The following EARS2 variants were observed in gnomAD, a reference collection of about 807,000 sequenced individuals.
The protein encoded by EARS2 is glutamyl-tRNA synthetase 2, mitochondrial.
In EARS2, 50 loss-of-function variants were observed where a neutral mutation model predicts 54.1. The observed-to-expected ratio is 0.92, with a 90% CI of 0.74 to 1.17. EARS2 has a LOEUF of 1.17. Ranked by LOEUF, EARS2 falls within the 50% of genes most tolerant of loss-of-function variation. EARS2 has a pLI of 0.00. For synonymous variants in EARS2, 298 were observed against 281.0 expected (o/e 1.06, Z -0.61); for missense variants, 673 against 675.0 (o/e 1.00, Z 0.03).
intron 7 of EARS2, among the ~76,000 whole-genome samples, chr16:23,525,997 C>CAAAAT (rs1965220526): frequency 2.2e-5 from 1 of 45,214 alleles, no homozygotes; most frequent in South Asian, 6.7e-4. Context: ...GACTTTGTTT[C>CAAAAT]AAAATAAAAA....
At chr16:23,551,329 C>T (rs186154399) in intron 2 of EARS2, among the ~76,000 whole-genome samples, 12 of 152,260 alleles carry the variant, frequency 7.9e-5, no homozygotes, top group Admixed American at 7.2e-4. Context: ...ACAGGAATCT[C>T]AAAACAGCCT....
chr16:23,545,361 A>G (rs1353469927), intron 2 of EARS2: 1 of 152,088 alleles, frequency 6.6e-6, no homozygotes, highest in Non-Finnish European at 1.5e-5. Flanking sequence ...GGTTCAGAGA[A>G]CAGCCCATCA....
chr16:23,553,061 G>C, intron 1 of EARS2: 1 of 403,550 alleles, frequency 2.5e-6, no homozygotes, highest in Middle Eastern at 7.5e-4. Context: ...TGGGGACGCT[G>C]AGGCTGCAGC....
Position 23,521,731 on chromosome 16 carries a change from T to C in EARS2, c.*2640A>G, listed in dbSNP as rs1965144395. ...GCATGAAGTCCTAGAGGTTCATCCATGTTGTAGATATACCAGAATCGACTT... is the reference window on the plus strand; with the variant it reads ...GCATGAAGTCCTAGAGGTTCATCCACGTTGTAGATATACCAGAATCGACTT... On this transcript the variant is annotated 3_prime_UTR_variant, in exon 9 of 9. Coordinates refer to ENST00000449606, the MANE Select transcript of EARS2 (RefSeq NM_001083614.2). 4 of 452,708 alleles carry C rather than the reference T, an allele frequency of 8.8e-6. No homozygotes were observed. Among genetic ancestry groups the C allele is most frequent in the South Asian group, 4.7e-5 (3 of 64,480 alleles). The allele number at this position is 452,708 out of a possible 1,614,324, so 28.0% of individuals were successfully genotyped here. A position where few individuals can be genotyped will look rare whatever the true frequency, so the allele number is the denominator to read the frequency against.
chr16:23,549,908 G>C (rs1038153398), intron 2 of EARS2, among the ~76,000 whole-genome samples: 2 of 152,104 alleles, frequency 1.3e-5, no homozygotes, highest in Non-Finnish European at 2.9e-5. Context: ...TCTTCCCCCA[G>C]GTCACCACGG....
chr16:23,541,504 T>C (rs971463263), intron 3 of EARS2, among the ~76,000 whole-genome samples: 1 of 152,326 alleles, frequency 6.6e-6, no homozygotes, highest in Middle Eastern at 3.4e-3. Flanking sequence ...CCACATAGCA[T>C]GTACATAGTA....
At chr16:23,551,051 T>TA (rs1239507070) in intron 2 of EARS2, among the ~76,000 whole-genome samples, 1 of 152,084 alleles carries the variant, frequency 6.6e-6, no homozygotes, top group East Asian at 1.9e-4. Context: ...ACAACATGGT[T>TA]AAAAAAAATC....
rs149493890 is a variant in EARS2, at chr16:23,525,473, C to T, written c.1353-94G>A. On this transcript the variant is annotated intron_variant, in intron 7 of 8. Coordinates refer to ENST00000449606, the MANE Select transcript of EARS2 (RefSeq NM_001083614.2). Reference sequence around the variant, plus strand: ...AGAAGGTTATTGATCAGCTACAGTACGAGCAGCACAACCAATGTTCAAGCC... The same window carrying T: ...AGAAGGTTATTGATCAGCTACAGTATGAGCAGCACAACCAATGTTCAAGCC... 557 of 1,347,906 alleles carry T rather than the reference C, an allele frequency of 4.1e-4. 3 individuals carry two copies. The African/African-American group carries it at 7.0e-3, about 17-fold the overall frequency. The allele number at this position is 1,347,906 out of a possible 1,614,324, so 83.5% of individuals were successfully genotyped here. A position where few individuals can be genotyped will look rare whatever the true frequency, so the allele number is the denominator to read the frequency against.
chr16:23,530,289 C>T (rs1434660298), intron 5 of EARS2, among the ~76,000 whole-genome samples: 1 of 152,096 alleles, frequency 6.6e-6, no homozygotes. Context: ...CCATGCCCAG[C>T]TAATTTTTTA....
chr16:23,537,843 G>A (rs1406028556), intron 3 of EARS2, among the ~76,000 whole-genome samples: 1 of 149,142 alleles, frequency 6.7e-6, no homozygotes, highest in East Asian at 1.9e-4. Flanking sequence ...CCAGGCTGGA[G>A]TACAGTAGAG....
chr16:23,552,060 C>A, intron 2 of EARS2, 89 bp downstream of exon 2: 1 of 1,495,774 alleles, frequency 6.7e-7, no homozygotes, highest in Admixed American at 1.9e-5. Flanking sequence ...CCCCATTTTC[C>A]ACTCAGAACT....
intron 4 of EARS2, among the ~76,000 whole-genome samples, chr16:23,533,153 G>A (rs1247148509): frequency 6.6e-6 from 1 of 152,080 alleles, no homozygotes; most frequent in Non-Finnish European, 1.5e-5. Flanking sequence ...GTGTGGTGGC[G>A]CATGCCTGTA....
intron 2 of EARS2, among the ~76,000 whole-genome samples, chr16:23,546,820 G>T (rs1965610841): frequency 6.6e-6 from 1 of 152,236 alleles, no homozygotes; most frequent in African/African-American, 2.4e-5. Context: ...CGGCTTCCCA[G>T]TGTTGGGATT....
chr16:23,524,923 G>A (rs1050361024), intron 8 of EARS2: 2 of 540,772 alleles, frequency 3.7e-6, no homozygotes, highest in Non-Finnish European at 6.5e-6. Context: ...GGGAATACAG[G>A]TGTGAGCCAC....
rs961489176 is a variant in EARS2, at chr16:23,530,042, C to T, written c.1068-145G>A. On this transcript the variant is annotated intron_variant, in intron 5 of 8. Transcript: ENST00000449606. ...TTCGCAAGCTAGAAGAATCTCTTCA[C>T]GTTTATAAAAAGAAAGGGATGTGAC... 51 of 1,005,300 alleles carry T rather than the reference C, an allele frequency of 5.1e-5. No individual in the cohort carries two copies. The African/African-American group carries it at 6.9e-4, about 14-fold the overall frequency. The allele number at this position is 1,005,300 out of a possible 1,614,324, so 62.3% of individuals were successfully genotyped here.
In EARS2 at chr16:23,521,756, TA is replaced by T. The variant is rs1304091405; in HGVS notation, c.*2614del. ...TGTTGTAGATATACCAGAATCGACT[TA>T]GTATTTTGACCACTCACTTTGTTAA... On this transcript the variant is annotated 3_prime_UTR_variant, in exon 9 of 9. Coordinates refer to ENST00000449606, the MANE Select transcript of EARS2 (RefSeq NM_001083614.2). 2.2e-6 allele frequency: 1 copy of T among 449,652 alleles called. No homozygotes were observed. The highest frequency in any genetic ancestry group is 4.4e-6 in the Non-Finnish European group (1 of 225,316). 27.9% of individuals were successfully genotyped at this position (449,652 alleles called of 1,614,324 possible).
chr16:23,534,743 T>C (rs1203154502), intron 4 of EARS2, 145 bp downstream of exon 4: 2 of 683,926 alleles, frequency 2.9e-6, no homozygotes, highest in African/African-American at 1.8e-5. Flanking sequence ...AAATAAACAT[T>C]TATTGAATAA....
intron 3 of EARS2, 84 bp downstream of exon 3, chr16:23,544,430 T>C (rs978866880): frequency 1.5e-6 from 2 of 1,332,092 alleles, no homozygotes; most frequent in African/African-American, 1.5e-5. Context: ...AGGTAATACA[T>C]GTTTAGGGGA....
At chr16:23,552,115 C>A (rs376645433) in intron 2 of EARS2, 34 bp downstream of exon 2, 10 of 1,603,670 alleles carry the variant, frequency 6.2e-6, no homozygotes, top group Non-Finnish European at 8.5e-6. Flanking sequence ...CCTGTTCCTT[C>A]CCTGCAGAAA....
Sources: gnomAD v4.1 joint callset for allele counts (sites outside exome capture counted in the v4.1 genomes callset) on GRCh38, gnomAD v4.1.1 for gene constraint, MANE v1.5 for transcripts, NCBI Gene and HGNC (gene_info 2026-07-23, HGNC 2026-07-21) for gene names.